The following VPS41 variants were observed in gnomAD, a reference collection of about 807,000 sequenced individuals.
VPS41 encodes VPS41 subunit of HOPS complex.
Under a neutral mutation model 130.9 loss-of-function variants are expected in VPS41, and 85 were observed. The ratio of observed to expected loss-of-function variants is 0.65; its 90% CI spans 0.55 to 0.78. The LOEUF (loss-of-function observed/expected upper bound fraction) is 0.78. VPS41 is among the 30% of genes least tolerant of loss of function. The probability of loss-of-function intolerance (pLI) is 0.00; values close to 1 mark genes in which losing one functional copy is unlikely to be tolerated. For synonymous variants in VPS41, 335 were observed against 332.9 expected, an observed-to-expected ratio of 1.01 and a Z score of -0.07; for missense variants, 874 against 1,018.7, an observed-to-expected ratio of 0.86 and a Z score of 1.93.
At chr7:38,776,527 C>T (rs557611379) in intron 11 of VPS41, 152 bp downstream of exon 11, 2 of 474,298 alleles carry the variant, frequency 4.2e-6, no homozygotes, top group South Asian at 9.0e-5. Flanking sequence ...GTAAATATGT[C>T]AGGTCTAAAG....
intron 21 of VPS41, among the ~76,000 whole-genome samples, chr7:38,753,736 C>T (rs1783729752): frequency 6.6e-6 from 1 of 152,070 alleles, no homozygotes; most frequent in Admixed American, 6.6e-5. Context: ...AGGTGGTTAG[C>T]AATGTGGAGC....
At chr7:38,886,660 G>A (rs1786738888) in intron 2 of VPS41, among the ~76,000 whole-genome samples, 1 of 152,238 alleles carries the variant, frequency 6.6e-6, no homozygotes, top group Admixed American at 6.5e-5. Context: ...GCTCTGAAGG[G>A]AGCAGTGGTT....
At chr7:38,823,715 C>T (rs1158427513) in intron 5 of VPS41, among the ~76,000 whole-genome samples, 1 of 151,980 alleles carries the variant, frequency 6.6e-6, no homozygotes, top group African/African-American at 2.4e-5. Flanking sequence ...TATACTTGTG[C>T]CAAGTTTGTT....
At chr7:38,826,722 G>A (rs879858691) in intron 5 of VPS41, among the ~76,000 whole-genome samples, 1 of 152,200 alleles carries the variant, frequency 6.6e-6, no homozygotes, top group Admixed American at 6.5e-5. Flanking sequence ...CAGCTAAGAA[G>A]TGACAGGATA....
intron 27 of VPS41, chr7:38,728,328 G>A: frequency 1.4e-6 from 1 of 702,386 alleles, no homozygotes; most frequent in Non-Finnish European, 2.6e-6. Flanking sequence ...CCTGCCAGGT[G>A]ACGATGACTC....
chr7:38,861,798 C>T (rs1373233912), intron 4 of VPS41, among the ~76,000 whole-genome samples: 2 of 152,080 alleles, frequency 1.3e-5, no homozygotes, highest in African/African-American at 2.4e-5. Flanking sequence ...TAAGGTACAC[C>T]TTCACACCAA....
At chr7:38,755,908 C>T (rs1783779964) in intron 19 of VPS41, among the ~76,000 whole-genome samples, 1 of 152,104 alleles carries the variant, frequency 6.6e-6, no homozygotes, top group Admixed American at 6.6e-5. Context: ...TTCCTTGGAG[C>T]TACGTAATTC....
At chr7:38,837,323 C>A (rs1341929081) in intron 4 of VPS41, among the ~76,000 whole-genome samples, 4 of 152,116 alleles carry the variant, frequency 2.6e-5, no homozygotes, top group Non-Finnish European at 5.9e-5. Flanking sequence ...CTGAGATTAA[C>A]CACATGAATA....
chr7:38,772,130 AAACT>A (rs1562580650), intron 13 of VPS41, among the ~76,000 whole-genome samples: 1 of 152,136 alleles, frequency 6.6e-6, no homozygotes, highest in African/African-American at 2.4e-5. Flanking sequence ...CATTCTATCC[AAACT>A]GATAGTTCAA....
At chr7:38,779,848 T>A (rs1306565050) in intron 10 of VPS41, among the ~76,000 whole-genome samples, 1 of 152,202 alleles carries the variant, frequency 6.6e-6, no homozygotes, top group Non-Finnish European at 1.5e-5. Flanking sequence ...TATAAAAGCT[T>A]ATGGACTGAC....
At chr7:38,892,911 A>C (rs1786897370) in intron 2 of VPS41, among the ~76,000 whole-genome samples, 1 of 152,190 alleles carries the variant, frequency 6.6e-6, no homozygotes, top group South Asian at 2.1e-4. Context: ...ACTGGACTCA[A>C]GAAGCATTTC....
chr7:38,787,615 CAGAA>C (rs1043365429), intron 10 of VPS41, among the ~76,000 whole-genome samples: 7 of 152,198 alleles, frequency 4.6e-5, no homozygotes, highest in Admixed American at 2.0e-4. Flanking sequence ...TGAGTTGTAA[CAGAA>C]AGAGTTATAA....
At position 38,744,512 on chromosome 7, in the gene VPS41, A is replaced by T. The variant is rs1335835973; in HGVS notation, c.1982-970T>A. On this transcript the variant is annotated intron_variant, in intron 23 of 28. Transcript: ENST00000310301. ...CTCTAAAAATGGTTAGTTATTTAAAAATGTTTACAGGATTATCAAGTTTTT... is the reference window on the plus strand; with the variant it reads ...CTCTAAAAATGGTTAGTTATTTAAATATGTTTACAGGATTATCAAGTTTTT... 2.0e-5 allele frequency among the ~76,000 whole-genome samples: 3 copies of T among 152,238 alleles called. No individual in the cohort carries two copies. In the East Asian group the frequency reaches 5.8e-4, roughly 29 times the overall value.
chr7:38,846,419 C>T (rs1785725031), intron 4 of VPS41, among the ~76,000 whole-genome samples: 1 of 152,140 alleles, frequency 6.6e-6, no homozygotes, highest in Non-Finnish European at 1.5e-5. Flanking sequence ...GGCCATGTCA[C>T]AGAGAAGATG....
chr7:38,836,796 T>C (rs983243263), intron 4 of VPS41, among the ~76,000 whole-genome samples: 2 of 152,088 alleles, frequency 1.3e-5, no homozygotes, highest in Non-Finnish European at 2.9e-5. Context: ...CTTTTTAAAA[T>C]AGTAGTTTTG....
At chr7:38,796,468 C>T (rs1483493630) in intron 8 of VPS41, 3 of 539,106 alleles carry the variant, frequency 5.6e-6, no homozygotes, top group Non-Finnish European at 1.1e-5. Context: ...TGCAGTCCTT[C>T]AATTATTAAG....
chr7:38,807,916 T>A (rs1177937210), intron 7 of VPS41, among the ~76,000 whole-genome samples: 1 of 152,054 alleles, frequency 6.6e-6, no homozygotes, highest in African/African-American at 2.4e-5. Context: ...ACTCTCCATA[T>A]GCAAAAGAAG....
rs1353396663 is a variant in VPS41, at chr7:38,754,731, A to G, written c.1759T>C (p.Leu587=). ...TGCTGTAGCTCTGGTCTGTCTTCCA[A>G]TTCTTCCACTACCTTTTTAATCTAG... is the stretch of plus-strand genomic sequence containing the variant. The part of the protein sequence containing the change: ...KISIKKVVEE[L]EDRPELQHVY... The change falls in exon 21 of 29, where the codon TTG becomes CTG. Residue 587 remains leucine (L), a synonymous_variant. Coordinates refer to ENST00000310301, the MANE Select transcript of VPS41 (RefSeq NM_014396.4). The G allele has an allele frequency of 6.2e-7, 1 of 1,613,480 alleles. No homozygotes were observed. Among genetic ancestry groups the G allele is most frequent in the Non-Finnish European group, 8.5e-7 (1 of 1,179,716 alleles).
chr7:38,783,749 A>T (rs1784393050), intron 10 of VPS41, among the ~76,000 whole-genome samples: 4 of 152,176 alleles, frequency 2.6e-5, no homozygotes, highest in Admixed American at 2.6e-4. Context: ...TTAAAAAAAA[A>T]ACTGTTTAAA....
Sources: allele counts gnomAD v4.1 joint callset (sites outside exome capture counted in the v4.1 genomes callset), GRCh38; gene constraint gnomAD v4.1.1; transcripts MANE v1.5; gene names NCBI Gene and HGNC (gene_info 2026-07-23, HGNC 2026-07-21).